Variants in ERBB4 observed in about 807,000 individuals in gnomAD.
The protein encoded by ERBB4 is erb-b2 receptor tyrosine kinase 4.
ERBB4 carries 42 observed loss-of-function variants against 158.0 expected under a neutral mutation model. The observed-to-expected ratio is 0.27, with a 90% confidence interval of 0.21 to 0.34. The LOEUF (loss-of-function observed/expected upper bound fraction) is 0.34, where lower values mean the gene tolerates loss of function less well. ERBB4 is among the 10% of genes least tolerant of loss of function. ERBB4 has a pLI of 1.00. For missense variants in ERBB4, 1,333 were observed against 1,624.1 expected (o/e 0.82, Z 3.08); for synonymous variants, 583 against 558.7 (o/e 1.04, Z -0.61).
At chr2:212,379,820 T>A (rs1339291696) in intron 1 of ERBB4, among the ~76,000 whole-genome samples, 4 of 150,924 alleles carry the variant, frequency 2.7e-5, no homozygotes, top group Non-Finnish European at 5.9e-5. Context: ...TGTGTGTGTA[T>A]GTGTGTGTGT....
intron 2 of ERBB4, among the ~76,000 whole-genome samples, chr2:211,953,043 G>T (rs1003021992): frequency 6.6e-6 from 1 of 151,926 alleles, no homozygotes; most frequent in Non-Finnish European, 1.5e-5. Flanking sequence ...CCTAAATATA[G>T]ACTCTGGCGC....
chr2:211,665,288 T>C (rs771902075), intron 15 of ERBB4, 35 bp downstream of exon 15: 64 of 1,610,602 alleles, frequency 4.0e-5, no homozygotes, highest in South Asian at 1.4e-4. Flanking sequence ...GGATAACACA[T>C]ACCAGGTGAG....
At chr2:211,940,584 G>A (rs1207538280) in intron 3 of ERBB4, among the ~76,000 whole-genome samples, 2 of 152,088 alleles carry the variant, frequency 1.3e-5, no homozygotes, top group East Asian at 3.9e-4. Context: ...ATTTTCTAAA[G>A]GATGCTCTAG....
At chr2:212,022,691 T>TA (rs1051863327) in intron 2 of ERBB4, among the ~76,000 whole-genome samples, 3 of 152,156 alleles carry the variant, frequency 2.0e-5, no homozygotes, top group African/African-American at 4.8e-5. Flanking sequence ...ACTTAAAAAA[T>TA]AAAAAACATA....
At chr2:212,452,816 A>AT (rs1180484671) in intron 1 of ERBB4, among the ~76,000 whole-genome samples, 1 of 152,164 alleles carries the variant, frequency 6.6e-6, no homozygotes, top group Non-Finnish European at 1.5e-5. Flanking sequence ...AAAATAAGAG[A>AT]TAAAAAGTTA....
At chr2:212,455,107 C>T (rs2106039539) in intron 1 of ERBB4, among the ~76,000 whole-genome samples, 1 of 152,244 alleles carries the variant, frequency 6.6e-6, no homozygotes, top group East Asian at 1.9e-4. Context: ...ACTTAATGGA[C>T]CTTGCTGCTG....
chr2:211,477,219 T>G (rs921144227), intron 20 of ERBB4, among the ~76,000 whole-genome samples: 1 of 152,050 alleles, frequency 6.6e-6, no homozygotes, highest in Non-Finnish European at 1.5e-5. Flanking sequence ...ACTCTTCCCT[T>G]GGACTCCAGC....
chr2:211,896,189 C>T (rs1389745762), intron 3 of ERBB4, among the ~76,000 whole-genome samples: 4 of 152,182 alleles, frequency 2.6e-5, no homozygotes. Flanking sequence ...CATTAAACTG[C>T]TTCCTGAATA....
In ERBB4 at chr2:211,382,880, T is replaced by G. The variant is rs1157212354; in HGVS notation, c.*735A>C. 4.3e-6 allele frequency: 1 copy of G among 232,626 alleles called. No homozygotes were observed. Among genetic ancestry groups the G allele is most frequent in the Non-Finnish European group, 8.5e-6 (1 of 117,782 alleles). The allele number at this position is 232,626 out of a possible 1,614,324, so 14.4% of individuals were successfully genotyped here. A position where few individuals can be genotyped will look rare whatever the true frequency, so the allele number is the denominator to read the frequency against. ...TCTTGCTTAAATTCTGTGAAGAAGC[T>G]TTGATGTAAACATCTTTGCAATTAG... On this transcript the variant is annotated 3_prime_UTR_variant, in exon 28 of 28. Transcript: ENST00000342788.
At chr2:212,228,465 T>A (rs975616623) in intron 1 of ERBB4, among the ~76,000 whole-genome samples, 3 of 152,164 alleles carry the variant, frequency 2.0e-5, no homozygotes, top group African/African-American at 7.2e-5. Flanking sequence ...ATATTTCCAA[T>A]AGAATTATGA....
intron 2 of ERBB4, among the ~76,000 whole-genome samples, chr2:212,040,242 T>C (rs1366022973): frequency 6.6e-6 from 1 of 152,042 alleles, no homozygotes; most frequent in Non-Finnish European, 1.5e-5. Context: ...TTTTAAGTAG[T>C]TTATATTACT....
chr2:211,610,590 A>C (rs191041566), intron 19 of ERBB4, among the ~76,000 whole-genome samples: 184 of 152,252 alleles, frequency 1.2e-3, no homozygotes, highest in Admixed American at 2.5e-3. Context: ...AGTCATCATA[A>C]GTATCGGTTG....
chr2:211,512,372 C>T (rs537406982), intron 20 of ERBB4, among the ~76,000 whole-genome samples: 1 of 151,824 alleles, frequency 6.6e-6, no homozygotes, highest in South Asian at 2.1e-4. Flanking sequence ...AGTTTGGGTC[C>T]TCTCAACAGA....
intron 1 of ERBB4, among the ~76,000 whole-genome samples, chr2:212,210,899 A>G (rs1171133193): frequency 6.6e-6 from 1 of 152,096 alleles, no homozygotes; most frequent in Non-Finnish European, 1.5e-5. Flanking sequence ...CCCAGTCTGT[A>G]GAACATTCTC....
At chr2:212,206,646 G>A (rs1444032638) in intron 1 of ERBB4, among the ~76,000 whole-genome samples, 1 of 142,720 alleles carries the variant, frequency 7.0e-6, no homozygotes, top group Non-Finnish European at 1.5e-5. Flanking sequence ...AACTGCAGTG[G>A]TGCTATCTCG....
intron 2 of ERBB4, among the ~76,000 whole-genome samples, chr2:212,026,417 A>G (rs1462745536): frequency 6.6e-6 from 1 of 151,786 alleles, no homozygotes; most frequent in East Asian, 1.9e-4. Context: ...AGATACCAGA[A>G]CCTCTATAAC....
In ERBB4 at chr2:211,376,041, A is replaced by T. The variant is rs753308108; in HGVS notation, c.*7574T>A. The T allele has an allele frequency of 1.3e-5, 3 of 232,980 alleles. No individual in the cohort carries two copies. The highest frequency in any genetic ancestry group is 2.5e-5 in the Non-Finnish European group (3 of 117,710). The allele number at this position is 232,980 out of a possible 1,614,324, so 14.4% of individuals were successfully genotyped here. On this transcript the variant is annotated 3_prime_UTR_variant, in exon 28 of 28. Coordinates refer to ENST00000342788, the MANE Select transcript of ERBB4 (RefSeq NM_005235.3). ...AAAGGTTGGAGGAGAAGAAAGAATAAGAGAAAGTATACTAAAAATATGCCT... is the reference window on the plus strand; with the variant it reads ...AAAGGTTGGAGGAGAAGAAAGAATATGAGAAAGTATACTAAAAATATGCCT...
intron 4 of ERBB4, among the ~76,000 whole-genome samples, chr2:211,785,513 T>G (rs1169146789): frequency 6.6e-6 from 1 of 152,152 alleles, no homozygotes; most frequent in Admixed American, 6.6e-5. Flanking sequence ...TCATAAAGCT[T>G]TCCCCCTATA....
chr2:211,772,802 T>A, intron 4 of ERBB4, among the ~76,000 whole-genome samples: 1 of 109,282 alleles, frequency 9.2e-6, no homozygotes, highest in Non-Finnish European at 1.8e-5. Flanking sequence ...TACTTCACCA[T>A]ACTGGGATAT....
Sources: gnomAD v4.1 joint callset for allele counts (sites outside exome capture counted in the v4.1 genomes callset) on GRCh38, gnomAD v4.1.1 for gene constraint, MANE v1.5 for transcripts, NCBI Gene and HGNC (gene_info 2026-07-23, HGNC 2026-07-21) for gene names.